Variants in CDH18 observed in about 807,000 individuals in gnomAD.
CDH18 encodes the protein cadherin-18.
In CDH18, 31 loss-of-function variants were observed where a neutral mutation model predicts 67.9. The ratio of observed to expected loss-of-function variants is 0.46; its 90% CI spans 0.34 to 0.62. The LOEUF (loss-of-function observed/expected upper bound fraction) is 0.62, where lower values mean the gene tolerates loss of function less well. CDH18 is among the 20% of genes least tolerant of loss of function. The pLI, the probability that CDH18 is intolerant of heterozygous loss-of-function variation, is 0.01. For missense variants in CDH18, 890 were observed against 975.5 expected (o/e 0.91, Z 1.17); for synonymous variants, 362 against 347.2 (o/e 1.04, Z -0.48).
At chr5:20,516,151 T>C (rs1267737070) in intron 1 of CDH18, among the ~76,000 whole-genome samples, 2 of 152,014 alleles carry the variant, frequency 1.3e-5, no homozygotes, top group Non-Finnish European at 2.9e-5. Flanking sequence ...GTACTTATTA[T>C]GGTGGTCCTA....
intron 5 of CDH18, among the ~76,000 whole-genome samples, chr5:19,703,359 C>A (rs970391530): frequency 6.6e-6 from 1 of 152,104 alleles, no homozygotes; most frequent in African/African-American, 2.4e-5. Context: ...CAAGTGTGGG[C>A]TCTGGTTCAT....
intron 1 of CDH18, among the ~76,000 whole-genome samples, chr5:20,369,565 G>T (rs1380939486): frequency 2.0e-5 from 3 of 152,146 alleles, no homozygotes; most frequent in East Asian, 3.8e-4. Context: ...TACCACCGCA[G>T]TTGTTCCCAT....
At chr5:20,459,752 T>C (rs2150221101) in intron 1 of CDH18, among the ~76,000 whole-genome samples, 1 of 152,294 alleles carries the variant, frequency 6.6e-6, no homozygotes, top group Non-Finnish European at 1.5e-5. Flanking sequence ...CCTGCTCTTT[T>C]CCATTTCATG....
chr5:19,539,119 A>C (rs1749846367), intron 9 of CDH18, among the ~76,000 whole-genome samples: 2 of 152,164 alleles, frequency 1.3e-5, no homozygotes. Context: ...CAGTCTCCCA[A>C]CATGGCTATA....
rs566270552 is a variant in CDH18 at position 19,625,322 on chromosome 5, G to T, written c.644-12721C>A. On this transcript the variant is annotated intron_variant, in intron 5 of 12. Transcript: ENST00000382275. The stretch of plus-strand genomic sequence containing the variant: ...AATTCTTGTTTTTGACAAATTATTT[G>T]TTTTTTTTTTCCCCACTAGAACAAA... 1.2e-3 allele frequency among the ~76,000 whole-genome samples: 183 copies of T among 147,512 alleles called. 2 individuals carry two copies. Among genetic ancestry groups the T allele is most frequent in the African/African-American group, 4.4e-3 (175 of 40,160 alleles).
intron 7 of CDH18, among the ~76,000 whole-genome samples, chr5:19,582,043 GT>G (rs1159689009): frequency 6.6e-6 from 1 of 151,938 alleles, no homozygotes; most frequent in African/African-American, 2.4e-5. Context: ...AATATTACAT[GT>G]TTGCTTTCTG....
At chr5:20,114,795 C>T (rs1446351301) in intron 2 of CDH18, among the ~76,000 whole-genome samples, 2 of 152,050 alleles carry the variant, frequency 1.3e-5, no homozygotes, top group Non-Finnish European at 2.9e-5. Context: ...ATTTCCTGCC[C>T]TCCCTCTCTC....
At chr5:19,559,474 A>T (rs1739046472) in intron 8 of CDH18, among the ~76,000 whole-genome samples, 1 of 152,062 alleles carries the variant, frequency 6.6e-6, no homozygotes, top group African/African-American at 2.4e-5. Flanking sequence ...AAAATCCAGC[A>T]TCCTTTTATG....
At chr5:20,137,492 T>C (rs1749835470) in intron 2 of CDH18, among the ~76,000 whole-genome samples, 1 of 152,080 alleles carries the variant, frequency 6.6e-6, no homozygotes, top group African/African-American at 2.4e-5. Context: ...TCTAATCTTT[T>C]TTCATGGTTT....
intron 2 of CDH18, among the ~76,000 whole-genome samples, chr5:20,006,507 A>G (rs999413226): frequency 1.2e-4 from 18 of 151,980 alleles, no homozygotes; most frequent in African/African-American, 4.1e-4. Flanking sequence ...AACAGCAACC[A>G]AGATGCTCAT....
intron 2 of CDH18, among the ~76,000 whole-genome samples, chr5:20,023,607 CGAGA>C (rs1554081601): frequency 1.3e-5 from 2 of 148,384 alleles, no homozygotes; most frequent in Non-Finnish European, 3.0e-5. Context: ...TGTAGTTAGC[CGAGA>C]TCGCGCCACT....
In CDH18 at chr5:20,050,558, CT is replaced by C. The variant is rs975838063; in HGVS notation, c.-517-58545del. On this transcript the variant is annotated intron_variant, in intron 2 of 14. Coordinates refer to the CDH18 transcript ENST00000507958. Reference sequence around the variant, plus strand: ...GAGTCATTAAACACACATTTATATACTTTTATGAGCTAAAATGTTACAATCC... The same window carrying C: ...GAGTCATTAAACACACATTTATATACTTTATGAGCTAAAATGTTACAATCC... 1.4e-4 allele frequency among the ~76,000 whole-genome samples: 21 copies of C among 151,966 alleles called. No homozygotes were observed. The East Asian group carries it at 3.7e-3, about 27-fold the overall frequency.
At chr5:20,375,291 A>G (rs966256541) in intron 1 of CDH18, among the ~76,000 whole-genome samples, 16 of 152,224 alleles carry the variant, frequency 1.1e-4, no homozygotes, top group African/African-American at 3.9e-4. Flanking sequence ...ACCTATTATT[A>G]AATCTGAATT....
chr5:19,782,603 G>A (rs1242495608), intron 3 of CDH18, among the ~76,000 whole-genome samples: 1 of 152,156 alleles, frequency 6.6e-6, no homozygotes, highest in African/African-American at 2.4e-5. Context: ...GCAGCACGAT[G>A]GTGATTAGGA....
intron 3 of CDH18, among the ~76,000 whole-genome samples, chr5:19,820,581 G>A (rs1460524104): frequency 6.6e-6 from 1 of 152,296 alleles, no homozygotes; most frequent in African/African-American, 2.4e-5. Context: ...TGAATGGCAT[G>A]TCCCCTGGTG....
At chr5:19,742,734 A>ACT (rs146611270) in intron 4 of CDH18, among the ~76,000 whole-genome samples, 7,993 of 146,802 alleles carry the variant, frequency 0.054, 249 homozygotes, top group African/African-American at 0.086. Context: ...AAGTGCATTT[A>ACT]CTCTCTCTCT....
chr5:20,561,824 A>G (rs1361979699), intron 1 of CDH18, among the ~76,000 whole-genome samples: 1 of 152,026 alleles, frequency 6.6e-6, no homozygotes, highest in East Asian at 1.9e-4. Flanking sequence ...ATTGAACATT[A>G]GATATGAAAC....
At chr5:19,688,092 G>A (rs950404068) in intron 5 of CDH18, among the ~76,000 whole-genome samples, 1 of 152,164 alleles carries the variant, frequency 6.6e-6, no homozygotes, top group Non-Finnish European at 1.5e-5. Context: ...ACCACAGCAT[G>A]CTGCTTAGGA....
At chr5:20,445,061 T>C (rs1034917074) in intron 1 of CDH18, among the ~76,000 whole-genome samples, 1 of 152,196 alleles carries the variant, frequency 6.6e-6, no homozygotes. Context: ...TAACTTCTAG[T>C]GCCTTTATAC....
Sources: gnomAD v4.1 joint callset for allele counts (sites outside exome capture counted in the v4.1 genomes callset) on GRCh38, gnomAD v4.1.1 for gene constraint, MANE v1.5 for transcripts, NCBI Gene and HGNC (gene_info 2026-07-23, HGNC 2026-07-21) for gene names.